SLC1A3: variants seen among roughly 807,000 people sequenced by gnomAD.
SLC1A3 encodes the protein solute carrier family 1 member 3, also known as excitatory amino acid transporter 1.
Under a neutral mutation model 48.1 loss-of-function variants are expected in SLC1A3, and 21 were observed. The ratio of observed to expected loss-of-function variants is 0.44; its 90% CI spans 0.31 to 0.63. The LOEUF is 0.63. Ranked by LOEUF, SLC1A3 falls within the 20% of genes least tolerant of loss-of-function variation. The probability of loss-of-function intolerance (pLI) is 0.08; values close to 1 mark genes in which losing one functional copy is unlikely to be tolerated. For synonymous variants in SLC1A3, 239 were observed against 251.4 expected, an observed-to-expected ratio of 0.95 and a Z score of 0.47; for missense variants, 546 against 689.0, an observed-to-expected ratio of 0.79 and a Z score of 2.32.
intron 3 of SLC1A3, among the ~76,000 whole-genome samples, chr5:36,656,552 T>C (rs1396651397): frequency 6.6e-6 from 1 of 152,256 alleles, no homozygotes; most frequent in Non-Finnish European, 1.5e-5. Flanking sequence ...AGACTATGAC[T>C]GTCTAATTGG....
At chr5:36,636,465 TTCTTTC>T (rs1166884844) in intron 3 of SLC1A3, 1 of 30,778 alleles carries the variant, frequency 3.2e-5, no homozygotes, top group Non-Finnish European at 7.3e-5. Context: ...TTTCTTTCTT[TTCTTTC>T]TTTCTTTCTT....
intron 3 of SLC1A3, among the ~76,000 whole-genome samples, chr5:36,639,749 C>T (rs541857416): frequency 1.3e-5 from 2 of 152,292 alleles, no homozygotes; most frequent in African/African-American, 2.4e-5. Context: ...TTTTATTACT[C>T]GGGTGGTGCA....
intron 8 of SLC1A3, among the ~76,000 whole-genome samples, chr5:36,681,056 T>C (rs888999409): frequency 6.6e-6 from 1 of 152,170 alleles, no homozygotes; most frequent in Non-Finnish European, 1.5e-5. Context: ...AGATTATAGA[T>C]GTATACACTC....
intron 2 of SLC1A3, among the ~76,000 whole-genome samples, chr5:36,625,499 C>G (rs1003008736): frequency 2.6e-5 from 4 of 152,040 alleles, no homozygotes; most frequent in African/African-American, 9.7e-5. Flanking sequence ...TAATATCTAC[C>G]TCATAAAGTT....
chr5:36,631,645 TG>T (rs766438461), intron 3 of SLC1A3, among the ~76,000 whole-genome samples: 28 of 152,242 alleles, frequency 1.8e-4, no homozygotes, highest in Non-Finnish European at 3.2e-4. Flanking sequence ...TCCAGGACTG[TG>T]CTAAGGCAAG....
At chr5:36,683,767 C>G (rs1264657718) in intron 8 of SLC1A3, 97 bp from the exon 9 acceptor site, 2 of 1,345,784 alleles carry the variant, frequency 1.5e-6, no homozygotes, top group Non-Finnish European at 2.1e-6. Flanking sequence ...TGTTACATGG[C>G]AAGTCAGGCA....
intron 9 of SLC1A3, among the ~76,000 whole-genome samples, chr5:36,685,082 A>G (rs899385113): frequency 6.6e-6 from 1 of 152,234 alleles, no homozygotes; most frequent in Non-Finnish European, 1.5e-5. Context: ...GTATCTATTC[A>G]TATTTATCAT....
chr5:36,617,273 GTTAAAGCAAA>G (rs746528107), intron 2 of SLC1A3, among the ~76,000 whole-genome samples: 3 of 152,018 alleles, frequency 2.0e-5, no homozygotes, highest in African/African-American at 4.8e-5. Flanking sequence ...TAAACTCCTC[GTTAAAGCAAA>G]TTAAAGCAGG....
intron 1 of SLC1A3, among the ~76,000 whole-genome samples, chr5:36,596,797 C>G (rs1331077924): frequency 6.6e-6 from 1 of 152,236 alleles, no homozygotes; most frequent in Non-Finnish European, 1.5e-5. Flanking sequence ...AGTCTTGTCT[C>G]TCTGCCTTGT....
intron 3 of SLC1A3, among the ~76,000 whole-genome samples, chr5:36,643,493 C>G (rs1004873295): frequency 6.6e-6 from 1 of 152,126 alleles, no homozygotes; most frequent in Non-Finnish European, 1.5e-5. Flanking sequence ...AGATCCTTTG[C>G]CCATTTTTTA....
upstream of SLC1A3, among the ~76,000 whole-genome samples, chr5:36,605,869 G>T (rs769049685): frequency 2.0e-5 from 3 of 152,162 alleles, no homozygotes; most frequent in African/African-American, 7.2e-5. Flanking sequence ...CCTTTAAAAT[G>T]GAGACATCTG....
At chr5:36,666,190 A>C (rs1741739158) in intron 3 of SLC1A3, 2 of 152,070 alleles carry the variant, frequency 1.3e-5, no homozygotes, top group Non-Finnish European at 2.9e-5. Flanking sequence ...CCCATTTTTC[A>C]ATCTGTAATT....
At chr5:36,670,944 T>C (rs1741965897) in intron 3 of SLC1A3, 85 bp from the exon 4 acceptor site, 2 of 1,158,170 alleles carry the variant, frequency 1.7e-6, no homozygotes, top group African/African-American at 1.5e-5. Flanking sequence ...GGTAGGGGAG[T>C]ATAAAGGAAA....
intron 3 of SLC1A3, chr5:36,667,592 C>T (rs1316692721): frequency 6.6e-6 from 1 of 152,104 alleles, no homozygotes; most frequent in Non-Finnish European, 1.5e-5. Flanking sequence ...TGTTTCTTCA[C>T]CTATAATATA....
intron 2 of SLC1A3, among the ~76,000 whole-genome samples, chr5:36,615,711 G>A (rs1579950732): frequency 6.6e-6 from 1 of 152,218 alleles, no homozygotes; most frequent in East Asian, 1.9e-4. Flanking sequence ...TTTAGAGGAG[G>A]CAACCAGAGT....
intron 3 of SLC1A3, among the ~76,000 whole-genome samples, chr5:36,652,452 G>A (rs1741120479): frequency 6.6e-6 from 1 of 152,110 alleles, no homozygotes; most frequent in African/African-American, 2.4e-5. Flanking sequence ...ACTTTCAAGG[G>A]GAGAAAGGGC....
At chr5:36,663,163 CAA>C (rs907856635) in intron 3 of SLC1A3, among the ~76,000 whole-genome samples, 1 of 152,064 alleles carries the variant, frequency 6.6e-6, no homozygotes, top group Non-Finnish European at 1.5e-5. Flanking sequence ...AACAATCTTT[CAA>C]AAGAGAATGT....
At chr5:36,599,533 G>A (rs538112340) in intron 1 of SLC1A3, among the ~76,000 whole-genome samples, 696 of 13,502 alleles carry the variant, frequency 0.052, 10 homozygotes, top group African/African-American at 0.12. Context: ...TTTTTGAGAC[G>A]GAGTCTCACT....
chr5:36,686,161 T>G lies in SLC1A3; in HGVS notation c.1521T>G (p.Val507=), dbSNP rs575531759. Residue 507 remains valine, a synonymous_variant, in exon 10 of 10, where the codon GTT becomes GTG. Coordinates refer to ENST00000265113, the MANE Select transcript of SLC1A3 (RefSeq NM_004172.5). ...LSRHELKNRD[V]EMGNSVIEEN... ...GACATGAACTGAAGAACAGAGATGT[T>G]GAAATGGGTAACTCAGTGATTGAAG... 2 of 1,614,032 alleles carry G rather than the reference T, an allele frequency of 1.2e-6. No individual in the cohort carries two copies. Among genetic ancestry groups the G allele is most frequent in the Admixed American group, 3.3e-5 (2 of 60,018 alleles).
Sources: gnomAD v4.1 joint callset for allele counts (sites outside exome capture counted in the v4.1 genomes callset) on GRCh38, gnomAD v4.1.1 for gene constraint, MANE v1.5 for transcripts, NCBI Gene and HGNC (gene_info 2026-07-23, HGNC 2026-07-21) for gene names.